Variants in SYN3 observed in about 807,000 individuals in gnomAD.
SYN3 encodes the protein synapsin III.
In SYN3, 35 loss-of-function variants were observed where a neutral mutation model predicts 65.8. The ratio of observed to expected loss-of-function variants is 0.53; its 90% CI spans 0.41 to 0.70. The LOEUF (loss-of-function observed/expected upper bound fraction) is 0.70. Among genes scored for constraint, SYN3 ranks in the 30% least tolerant of loss-of-function variants. SYN3 has a pLI of 0.00. For synonymous variants in SYN3, 270 were observed against 292.9 expected (o/e 0.92, Z 0.80); for missense variants, 680 against 749.0 (o/e 0.91, Z 1.08).
At chr22:33,053,643 A>G (rs776818681) in intron 1 of SYN3, among the ~76,000 whole-genome samples, 1 of 152,102 alleles carries the variant, frequency 6.6e-6, no homozygotes, top group Non-Finnish European at 1.5e-5. Context: ...ACAATGGTGG[A>G]TTATTCTCTT....
intron 6 of SYN3, among the ~76,000 whole-genome samples, chr22:32,599,878 C>T (rs919195484): frequency 6.6e-6 from 1 of 152,034 alleles, no homozygotes; most frequent in African/African-American, 2.4e-5. Flanking sequence ...CTGCTTGGAC[C>T]CATGGGCTGT....
At chr22:32,714,181 A>T (rs750551157) in intron 6 of SYN3, among the ~76,000 whole-genome samples, 1 of 152,226 alleles carries the variant, frequency 6.6e-6, no homozygotes, top group Non-Finnish European at 1.5e-5. Context: ...AGCTGAAATC[A>T]TATCTGTTTA....
intron 6 of SYN3, among the ~76,000 whole-genome samples, chr22:32,806,372 T>C (rs1392112112): frequency 6.6e-6 from 1 of 152,216 alleles, no homozygotes; most frequent in East Asian, 1.9e-4. Context: ...CACTGCTGAA[T>C]GGCACATTCC....
chr22:32,960,119 T>C (rs1361939462), intron 3 of SYN3, among the ~76,000 whole-genome samples: 1 of 152,246 alleles, frequency 6.6e-6, no homozygotes, highest in African/African-American at 2.4e-5. Context: ...TGTATTCTGA[T>C]GCTTTGACCC....
chr22:32,709,902 C>A (rs908968218), intron 6 of SYN3, among the ~76,000 whole-genome samples: 1 of 151,882 alleles, frequency 6.6e-6, no homozygotes, highest in Admixed American at 6.6e-5. Flanking sequence ...GTTTATTTCA[C>A]TAATCGGATT....
chr22:32,533,073 G>A (rs1407587782), intron 10 of SYN3, among the ~76,000 whole-genome samples: 3 of 151,966 alleles, frequency 2.0e-5, no homozygotes, highest in Non-Finnish European at 2.9e-5. Context: ...GGGTTAGTGG[G>A]ATACGGGGAA....
At chr22:32,813,916 G>A (rs2046984369) in intron 6 of SYN3, among the ~76,000 whole-genome samples, 1 of 152,072 alleles carries the variant, frequency 6.6e-6, no homozygotes, top group African/African-American at 2.4e-5. Context: ...CTCATTGCCT[G>A]GCATGTAGTA....
At chr22:32,941,669 C>T (rs947453764) in intron 3 of SYN3, among the ~76,000 whole-genome samples, 15 of 152,168 alleles carry the variant, frequency 9.9e-5, no homozygotes, top group Admixed American at 4.6e-4. Context: ...ACCCGGGAAG[C>T]GCAAGGGGTA....
intron 2 of SYN3, among the ~76,000 whole-genome samples, chr22:33,000,890 C>T (rs897557702): frequency 1.3e-5 from 2 of 152,178 alleles, no homozygotes; most frequent in African/African-American, 4.8e-5. Flanking sequence ...CTGCTGGCCG[C>T]TCCTGGTGGC....
chr22:32,878,292 C>T (rs143466693), intron 4 of SYN3, among the ~76,000 whole-genome samples: 10 of 152,290 alleles, frequency 6.6e-5, no homozygotes, highest in African/African-American at 2.2e-4. Context: ...ATGTGCAGTT[C>T]TTCTCCCTGA....
At chr22:33,023,948 G>A (rs2053599371) in intron 1 of SYN3, among the ~76,000 whole-genome samples, 1 of 152,176 alleles carries the variant, frequency 6.6e-6, no homozygotes, top group Non-Finnish European at 1.5e-5. Flanking sequence ...AAGCTGGAGA[G>A]GTGTCCACCT....
intron 7 of SYN3, among the ~76,000 whole-genome samples, chr22:32,545,082 G>A (rs975574762): frequency 4.6e-5 from 7 of 152,320 alleles, no homozygotes; most frequent in Admixed American, 3.9e-4. Flanking sequence ...AGGCTGTGCC[G>A]TTAAAGGGCA....
rs133977 is a variant in SYN3 at position 33,036,678 on chromosome 22, C to CTT, written c.-163+21612_-163+21613dup. Among the ~76,000 whole-genome samples, 597 of 99,468 alleles carry CTT rather than the reference C, an allele frequency of 6.0e-3. 60 individuals carry two copies. The highest frequency in any genetic ancestry group is 0.013 in the African/African-American group (282 of 21,322). 65.3% of individuals were successfully genotyped at this position (99,468 alleles called of 152,430 possible). Reference sequence around the variant, plus strand: ...TTTTAAATGCTGTAAAGCCCAAGTTCTTTTTTTTTTTTTTTTTTTTTTTTT... The same window carrying CTT: ...TTTTAAATGCTGTAAAGCCCAAGTTCTTTTTTTTTTTTTTTTTTTTTTTTTTT... On this transcript the variant is annotated intron_variant, in intron 1 of 13. Transcript: ENST00000358763.
At chr22:32,701,871 A>C (rs563142642) in intron 6 of SYN3, among the ~76,000 whole-genome samples, 2 of 152,320 alleles carry the variant, frequency 1.3e-5, no homozygotes, top group African/African-American at 4.8e-5. Context: ...TAATGAAAAA[A>C]ATGTTTCCAA....
chr22:32,905,874 C>T (rs1232650025), intron 4 of SYN3, among the ~76,000 whole-genome samples: 1 of 152,236 alleles, frequency 6.6e-6, no homozygotes, highest in African/African-American at 2.4e-5. Context: ...GAATCACAGT[C>T]AGGTATCCTG....
intron 1 of SYN3, among the ~76,000 whole-genome samples, chr22:33,031,713 C>G (rs903057092): frequency 1.3e-5 from 2 of 152,144 alleles, no homozygotes; most frequent in South Asian, 2.1e-4. Context: ...ACCCCTGTCC[C>G]CCATGCCCTT....
chr22:32,628,731 A>C (rs2059705241), intron 6 of SYN3, among the ~76,000 whole-genome samples: 1 of 152,006 alleles, frequency 6.6e-6, no homozygotes, highest in Admixed American at 6.6e-5. Context: ...CTGGGGCACA[A>C]GAGCGAGACT....
intron 12 of SYN3, among the ~76,000 whole-genome samples, chr22:32,526,868 G>A (rs2146126981): frequency 6.6e-6 from 1 of 152,294 alleles, no homozygotes; most frequent in African/African-American, 2.4e-5. Flanking sequence ...GAGACTGCCT[G>A]CTTTGGTTTC....
chr22:32,926,714 CTTTAA>C (rs1474794370), intron 4 of SYN3, among the ~76,000 whole-genome samples: 2 of 152,316 alleles, frequency 1.3e-5, no homozygotes, highest in East Asian at 1.9e-4. Context: ...TAACTCTTCT[CTTTAA>C]TTAGTGCATT....
Sources: gnomAD v4.1 joint callset for allele counts (sites outside exome capture counted in the v4.1 genomes callset) on GRCh38, gnomAD v4.1.1 for gene constraint, MANE v1.5 for transcripts, NCBI Gene and HGNC (gene_info 2026-07-23, HGNC 2026-07-21) for gene names.